Variants in SPRY3 observed in about 807,000 individuals in gnomAD.
SPRY3 encodes the protein sprouty RTK signaling antagonist 3.
A neutral mutation model predicts 20.2 loss-of-function variants in SPRY3; 15 were observed. That is an observed-to-expected ratio of 0.74 (90% CI 0.50 to 1.14). SPRY3 has a LOEUF of 1.14. Ranked by LOEUF, SPRY3 falls within the 50% of genes most tolerant of loss-of-function variation. SPRY3 has a pLI of 0.00. For missense variants in SPRY3, 364 were observed against 363.9 expected, an observed-to-expected ratio of 1.00 and a Z score of 0.00; for synonymous variants, 143 against 136.5, an observed-to-expected ratio of 1.05 and a Z score of -0.33.
downstream of SPRY3, chrX:155,780,931 T>G (rs904882872): frequency 1.3e-4 from 21 of 166,844 alleles, no homozygotes; most frequent in African/African-American, 4.8e-4. Context: ...TTCTCTCACC[T>G]AAAACACCAT....
chrX:155,707,760 A>G (rs185415807), intron 2 of SPRY3, among the ~76,000 whole-genome samples: 1 of 151,360 alleles, frequency 6.6e-6, no homozygotes, highest in Admixed American at 6.6e-5. Flanking sequence ...TATAACATGC[A>G]TGGTATGTAT....
intron 2 of SPRY3, among the ~76,000 whole-genome samples, chrX:155,667,776 A>G (rs923464574): frequency 9.0e-6 from 1 of 111,636 alleles, no homozygotes; most frequent in Non-Finnish European, 1.9e-5. Context: ...ATAAGAAAGG[A>G]CAATAGCCTA....
chrX:155,637,220 A>G (rs1407120151), intron 1 of SPRY3, among the ~76,000 whole-genome samples: 5 of 111,017 alleles, frequency 4.5e-5, no homozygotes, highest in Non-Finnish European at 9.4e-5. Context: ...ATTAAAATAC[A>G]AAGAGTTATT....
At chrX:155,688,469 C>T (rs1355905950) in intron 2 of SPRY3, among the ~76,000 whole-genome samples, 1 of 111,256 alleles carries the variant, frequency 9.0e-6, no homozygotes, top group African/African-American at 3.3e-5. Flanking sequence ...ACACTGTCTT[C>T]CACAATTCTT....
At chrX:155,716,479 C>A (rs2091023301) in intron 2 of SPRY3, among the ~76,000 whole-genome samples, 1 of 152,126 alleles carries the variant, frequency 6.6e-6, no homozygotes, top group South Asian at 2.1e-4. Flanking sequence ...TTATGGGCTT[C>A]ATTTTGCTGT....
At chrX:155,682,625 A>G (rs1212249175) in intron 2 of SPRY3, among the ~76,000 whole-genome samples, 5 of 111,780 alleles carry the variant, frequency 4.5e-5, no homozygotes, top group African/African-American at 1.3e-4. Flanking sequence ...GGCTCAAGTG[A>G]TCCTCCTGCC....
chrX:155,686,548 T>C (rs1375953496), intron 2 of SPRY3, among the ~76,000 whole-genome samples: 2 of 111,707 alleles, frequency 1.8e-5, no homozygotes, highest in African/African-American at 3.3e-5. Flanking sequence ...ATCAAATCCA[T>C]GAATAAATGA....
intron 2 of SPRY3, 23 bp from the exon 2 acceptor site, chrX:155,767,939 G>A (rs1002925617): frequency 1.3e-5 from 2 of 151,844 alleles, no homozygotes; most frequent in African/African-American, 2.4e-5. Context: ...GTTTTGTTTT[G>A]TGTTTTCTCT....
At chrX:155,722,957 G>A (rs306924) in intron 2 of SPRY3, among the ~76,000 whole-genome samples, 17,937 of 91,770 alleles carry the variant, frequency 0.2, 1,918 homozygotes, top group African/African-American at 0.4. Context: ...GACAGGCCCC[G>A]GTGTGTGATG....
intron 2 of SPRY3, among the ~76,000 whole-genome samples, chrX:155,745,169 T>G (rs776603862): frequency 3.0e-4 from 46 of 152,194 alleles, no homozygotes; most frequent in African/African-American, 1.0e-3. Flanking sequence ...CCAGACCAAC[T>G]TTCTTTCCCC....
intron 2 of SPRY3, among the ~76,000 whole-genome samples, chrX:155,756,149 C>G (rs1441060870): frequency 6.6e-6 from 1 of 152,090 alleles, no homozygotes; most frequent in African/African-American, 2.4e-5. Context: ...GCACTGTTGT[C>G]ACCTGCAGCA....
intron 2 of SPRY3, among the ~76,000 whole-genome samples, chrX:155,741,143 A>C (rs1232592002): frequency 6.6e-6 from 1 of 152,162 alleles, no homozygotes; most frequent in Non-Finnish European, 1.5e-5. Context: ...ATAGCCAGTT[A>C]AGAGAGGAGC....
At chrX:155,664,289 C>T (rs2068018395) in intron 2 of SPRY3, among the ~76,000 whole-genome samples, 2 of 110,228 alleles carry the variant, frequency 1.8e-5, no homozygotes, top group Non-Finnish European at 1.9e-5. Context: ...TTATTCCATA[C>T]ATTAAATGAA....
intron 2 of SPRY3, among the ~76,000 whole-genome samples, chrX:155,673,138 A>G (rs368851957): frequency 2.5e-4 from 25 of 101,388 alleles, no homozygotes; most frequent in East Asian, 9.8e-4. Flanking sequence ...TGGGTGCAGC[A>G]CACCAGCATG....
intron 2 of SPRY3, among the ~76,000 whole-genome samples, chrX:155,726,868 G>A (rs1343142873): frequency 3.3e-5 from 5 of 152,118 alleles, no homozygotes; most frequent in Admixed American, 1.3e-4. Context: ...TCATTATGAT[G>A]TTAGCTGGTT....
chrX:155,768,653 C>T (rs1451820860), intron 3 of SPRY3, among the ~76,000 whole-genome samples: 2 of 152,120 alleles, frequency 1.3e-5, no homozygotes, highest in Non-Finnish European at 2.9e-5. Flanking sequence ...CACGGCAGAA[C>T]CCCCCACTTA....
rs1367447853 is a variant in SPRY3, at chrX:155,630,974, G to A, written c.-441+18327G>A. Among the ~76,000 whole-genome samples, 10 of 109,273 alleles carry A rather than the reference G, an allele frequency of 9.2e-5. No homozygotes were observed. In the Admixed American group the frequency reaches 9.9e-4, roughly 11 times the overall value. 94.9% of individuals were successfully genotyped at this position (109,273 alleles called of 115,157 possible). Reference sequence around the variant, plus strand: ...TATTTCAACTTTTATTTTAGATACGGGGGTACATGTGCAGGCTTGTCACAT... The same window carrying A: ...TATTTCAACTTTTATTTTAGATACGAGGGTACATGTGCAGGCTTGTCACAT... On this transcript the variant is annotated intron_variant, in intron 1 of 3. Coordinates refer to ENST00000675360, the Ensembl canonical transcript of SPRY3.
chrX:155,654,320 C>G (rs1557352757), intron 1 of SPRY3, among the ~76,000 whole-genome samples: 1 of 111,400 alleles, frequency 9.0e-6, no homozygotes, highest in African/African-American at 3.3e-5. Context: ...TTGCTTTTTA[C>G]ATTTTTAAAA....
At position 155,709,239 on chromosome X, in the gene SPRY3, C is replaced by A. The variant is rs2090970827; in HGVS notation, c.-282+52214C>A. ...GCTCTATTTTTAGATTTTGGAGGAA[C>A]CTCCAAACTGTTCTCCATAGTTGTT... On this transcript the variant is annotated intron_variant, in intron 2 of 3. Coordinates refer to ENST00000675360, the Ensembl canonical transcript of SPRY3. Among the ~76,000 whole-genome samples, 3 of 151,576 alleles carry A rather than the reference C, an allele frequency of 2.0e-5. No homozygotes were observed. In the South Asian group the frequency reaches 6.2e-4, roughly 31 times the overall value.
Sources: gnomAD v4.1 joint callset for allele counts (sites outside exome capture counted in the v4.1 genomes callset) on GRCh38, gnomAD v4.1.1 for gene constraint, MANE v1.5 for transcripts, NCBI Gene and HGNC (gene_info 2026-07-23, HGNC 2026-07-21) for gene names.